The following MARCHF10 variants were observed in gnomAD, a reference collection of about 807,000 sequenced individuals.
The protein encoded by MARCHF10 is probable E3 ubiquitin-protein ligase MARCHF10.
Under a neutral mutation model 76.2 loss-of-function variants are expected in MARCHF10, and 64 were observed. That is an observed-to-expected ratio of 0.84 (90% confidence interval 0.69 to 1.03). MARCHF10 has a LOEUF of 1.03. Ranked by LOEUF, MARCHF10 falls within the 50% of genes least tolerant of loss-of-function variation. MARCHF10 has a pLI of 0.00. For synonymous variants in MARCHF10, 340 were observed against 357.5 expected (o/e 0.95, Z 0.55); for missense variants, 875 against 958.0 (o/e 0.91, Z 1.14).
chr17:62,788,738 T>C (rs115933304), intron 2 of MARCHF10, 139 bp from the exon 3 acceptor site: 1 of 1,222,168 alleles, frequency 8.2e-7, no homozygotes, highest in African/African-American at 1.5e-5. Context: ...TCACCAAGTA[T>C]AAAGACCAGG....
At chr17:62,753,835 G>A (rs1474884962) in intron 4 of MARCHF10, among the ~76,000 whole-genome samples, 1 of 152,094 alleles carries the variant, frequency 6.6e-6, no homozygotes, top group Non-Finnish European at 1.5e-5. Flanking sequence ...AGCCCTGGAG[G>A]GCAGGCCCCG....
At chr17:62,717,826 G>A (rs996797421) in intron 8 of MARCHF10, among the ~76,000 whole-genome samples, 1 of 152,218 alleles carries the variant, frequency 6.6e-6, no homozygotes, top group Non-Finnish European at 1.5e-5. Context: ...CTTTGAGTGT[G>A]CCACCATCTC....
chr17:62,756,644 G>A (rs2092052722), intron 4 of MARCHF10, among the ~76,000 whole-genome samples: 1 of 152,252 alleles, frequency 6.6e-6, no homozygotes, highest in East Asian at 1.9e-4. Flanking sequence ...TGTCCTAAAG[G>A]CTGGATGTAT....
At chr17:62,755,561 A>T (rs2092016491) in intron 4 of MARCHF10, among the ~76,000 whole-genome samples, 1 of 152,164 alleles carries the variant, frequency 6.6e-6, no homozygotes, top group Non-Finnish European at 1.5e-5. Context: ...ACATGTAACT[A>T]AGAACATGTA....
chr17:62,737,750 A>G (rs372926017), intron 5 of MARCHF10: 2 of 177,318 alleles, frequency 1.1e-5, no homozygotes, highest in South Asian at 1.5e-4. Context: ...CGTTCATTCA[A>G]TGTACATTTA....
At position 62,767,450 on chromosome 17, in the gene MARCHF10, C is replaced by CCTTTTTTTTTTT. The variant is rs67106553; in HGVS notation, c.211-7445_211-7444insAAAAAAAAAAAG. On this transcript the variant is annotated intron_variant, in intron 3 of 10. Coordinates refer to ENST00000311269, the MANE Select transcript of MARCHF10 (RefSeq NM_152598.4). Reference sequence around the variant, plus strand: ...AGCTTTGAATTGGTGGGTCTGTATTCTTTTTTTTTTTTTTTTTTGAGATGG... The same window carrying CCTTTTTTTTTTT: ...AGCTTTGAATTGGTGGGTCTGTATTCCTTTTTTTTTTTTTTTTTTTTTTTTTTTTTGAGATGG... Among the ~76,000 whole-genome samples, 9 of 134,790 alleles carry CCTTTTTTTTTTT rather than the reference C, an allele frequency of 6.7e-5. 2 individuals are homozygous for CCTTTTTTTTTTT. The highest frequency in any genetic ancestry group is 1.6e-4 in the Admixed American group (2 of 12,758). 88.4% of individuals were successfully genotyped at this position (134,790 alleles called of 152,430 possible).
chr17:62,737,226 G>A lies in MARCHF10; in HGVS notation c.642C>T (p.Ala214=), dbSNP rs1425880475. The A allele has an allele frequency of 6.2e-7, 1 of 1,613,968 alleles. No homozygotes were observed. Among genetic ancestry groups the A allele is most frequent in the East Asian group, 2.2e-5 (1 of 44,870 alleles). Reference sequence around the variant, plus strand: ...GGTCTCCTTTTTTGGCTCTATCAGGGGCGTTCTCAGTCATTGGCTGTGACG... The same window carrying A: ...GGTCTCCTTTTTTGGCTCTATCAGGAGCGTTCTCAGTCATTGGCTGTGACG... ...VPSSQPMTEN[A]PDRAKKGDPS... Residue 214 remains alanine (A), a synonymous_variant, in exon 6 of 11, where the codon GCC becomes GCT. Transcript: ENST00000311269.
At chr17:62,782,551 T>C (rs1011391644) in intron 3 of MARCHF10, among the ~76,000 whole-genome samples, 1 of 152,026 alleles carries the variant, frequency 6.6e-6, no homozygotes, top group Non-Finnish European at 1.5e-5. Context: ...TTTCACCATA[T>C]TGGCCAGGCT....
At chr17:62,767,450 CTTTTT>C (rs1555707309) in intron 3 of MARCHF10, among the ~76,000 whole-genome samples, 1 of 134,790 alleles carries the variant, frequency 7.4e-6, no homozygotes, top group South Asian at 2.3e-4. Context: ...GGTCTGTATT[CTTTTT>C]TTTTTTTTTT....
At chr17:62,746,810 A>G (rs1831080777) in intron 4 of MARCHF10, 7 of 1,165,258 alleles carry the variant, frequency 6.0e-6, no homozygotes, top group Non-Finnish European at 8.5e-6. Context: ...CACGCACCCC[A>G]GGCAGCAGAA....
At chr17:62,792,597 C>T (rs1416152413) in intron 2 of MARCHF10, among the ~76,000 whole-genome samples, 1 of 146,388 alleles carries the variant, frequency 6.8e-6, no homozygotes, top group African/African-American at 2.6e-5. Flanking sequence ...CACCCACCAC[C>T]ACCACCTCCA....
intron 4 of MARCHF10, among the ~76,000 whole-genome samples, chr17:62,758,342 C>T (rs2092105339): frequency 6.6e-6 from 1 of 152,152 alleles, no homozygotes; most frequent in Admixed American, 6.5e-5. Context: ...GAGCGAGACT[C>T]TGTCTCAACA....
In MARCHF10 at chr17:62,736,070, G is replaced by A. The variant is rs374136183; in HGVS notation, c.1798C>T (p.Pro600Ser). The change falls in exon 6 of 11, where the codon CCA becomes TCA. Residue 600 changes from proline to serine, a missense_variant. Pro to Ser is a moderately conservative substitution (Grantham distance 74). Coordinates refer to ENST00000311269, the MANE Select transcript of MARCHF10 (RefSeq NM_152598.4). ...TGAGACACTGCAAAGAAAGTAAATGGTGTATTTTCTTGCAGAGACCCAGAC... is the reference window on the plus strand; with the variant it reads ...TGAGACACTGCAAAGAAAGTAAATGATGTATTTTCTTGCAGAGACCCAGAC... Reference protein sequence around the residue: ...HVSGSLQENTPFTFFAVSHFP... With the variant: ...HVSGSLQENTSFTFFAVSHFP... 19 of 1,614,062 alleles carry A rather than the reference G, an allele frequency of 1.2e-5. No individual in the cohort carries two copies. Among genetic ancestry groups the A allele is most frequent in the Middle Eastern group, 3.3e-4 (2 of 6,084 alleles).
At chr17:62,786,962 TC>T (rs2092757985) in intron 3 of MARCHF10, among the ~76,000 whole-genome samples, 1 of 152,212 alleles carries the variant, frequency 6.6e-6, no homozygotes, top group African/African-American at 2.4e-5. Flanking sequence ...TTCTTATCTG[TC>T]CTTGATCTTA....
chr17:62,798,593 A>T (rs908942236), intron 2 of MARCHF10, among the ~76,000 whole-genome samples: 17 of 152,134 alleles, frequency 1.1e-4, no homozygotes, highest in African/African-American at 4.1e-4. Flanking sequence ...TCAGGAGAGG[A>T]GAGCGGAGGT....
intron 5 of MARCHF10, among the ~76,000 whole-genome samples, chr17:62,740,092 GT>G (rs2091455013): frequency 6.6e-6 from 1 of 151,576 alleles, no homozygotes; most frequent in Non-Finnish European, 1.5e-5. Flanking sequence ...GCGTGTGTGT[GT>G]GTGTTTCCCC....
At chr17:62,748,127 G>A (rs2091770715) in intron 4 of MARCHF10, among the ~76,000 whole-genome samples, 1 of 152,188 alleles carries the variant, frequency 6.6e-6, no homozygotes, top group South Asian at 2.1e-4. Context: ...TCCAGGCACG[G>A]TGGCTCACGC....
At chr17:62,806,528 G>C (rs1273044114) in intron 1 of MARCHF10, 1 of 152,152 alleles carries the variant, frequency 6.6e-6, no homozygotes, top group Non-Finnish European at 1.5e-5. Flanking sequence ...CTGTGCTTTA[G>C]AAATCAACAT....
At chr17:62,745,263 C>T (rs945436982) in intron 4 of MARCHF10, among the ~76,000 whole-genome samples, 2 of 151,684 alleles carry the variant, frequency 1.3e-5, no homozygotes, top group African/African-American at 4.8e-5. Context: ...GCCACCATGC[C>T]CAGCTAATTT....
Sources: allele counts gnomAD v4.1 joint callset (sites outside exome capture counted in the v4.1 genomes callset), GRCh38; gene constraint gnomAD v4.1.1; transcripts MANE v1.5; gene names NCBI Gene and HGNC (gene_info 2026-07-23, HGNC 2026-07-21).